Variants in DLGAP2 observed in about 807,000 individuals in gnomAD.
The protein encoded by DLGAP2 is disks large-associated protein 2.
A neutral mutation model predicts 100.3 loss-of-function variants in DLGAP2; 26 were observed. The ratio of observed to expected loss-of-function variants is 0.26; its 90% CI spans 0.19 to 0.36. The LOEUF (loss-of-function observed/expected upper bound fraction) is 0.36. Ranked by LOEUF, DLGAP2 falls within the 10% of genes least tolerant of loss-of-function variation. DLGAP2 has a pLI of 1.00. For synonymous variants in DLGAP2, 886 were observed against 630.1 expected (o/e 1.41, Z -6.08); for missense variants, 1,858 against 1,453.2 (o/e 1.28, Z -4.53).
At chr8:1,252,296 GTGT>G (rs1294661368) in intron 2 of DLGAP2, among the ~76,000 whole-genome samples, 5 of 151,100 alleles carry the variant, frequency 3.3e-5, no homozygotes, top group Non-Finnish European at 7.4e-5. Context: ...TCACAATGTG[GTGT>G]TGTCATGTGG....
intron 2 of DLGAP2, among the ~76,000 whole-genome samples, chr8:1,211,420 C>G (rs892009220): frequency 1.3e-5 from 2 of 152,314 alleles, no homozygotes; most frequent in African/African-American, 2.4e-5. Flanking sequence ...AAGGATTTCG[C>G]TTTTTAACGT....
At chr8:885,980 A>G in intron 1 of DLGAP2, among the ~76,000 whole-genome samples, 1 of 152,196 alleles carries the variant, frequency 6.6e-6, no homozygotes, top group East Asian at 1.9e-4. Context: ...GAATGGTACC[A>G]GTGCCTGTTT....
At chr8:891,693 A>G (rs946623657) in intron 1 of DLGAP2, 1 of 152,322 alleles carries the variant, frequency 6.6e-6, no homozygotes, top group Non-Finnish European at 1.5e-5. Flanking sequence ...AGGACCCTTG[A>G]GAAAGAAGAA....
At chr8:878,654 C>A (rs571956706) in intron 1 of DLGAP2, among the ~76,000 whole-genome samples, 2 of 152,110 alleles carry the variant, frequency 1.3e-5, no homozygotes, top group Non-Finnish European at 2.9e-5. Context: ...GTTTGGTCCA[C>A]GAGGGACCCT....
At chr8:1,580,231 GCA>G (rs1803175430) in intron 6 of DLGAP2, among the ~76,000 whole-genome samples, 1 of 152,186 alleles carries the variant, frequency 6.6e-6, no homozygotes, top group African/African-American at 2.4e-5. Context: ...ATGCGATCAA[GCA>G]GCGGCACAGT....
At chr8:1,098,794 ACGGACGCCGCCACCCACTCCAGGCTCC>A (rs1804484760) in intron 2 of DLGAP2, among the ~76,000 whole-genome samples, 2 of 129,842 alleles carry the variant, frequency 1.5e-5, no homozygotes, top group Non-Finnish European at 3.5e-5. Flanking sequence ...CCGGCCGCCC[ACGGACGCCGCCACCCACTCCAGGCTCC>A]CGGCCGCGCA....
At chr8:1,364,964 C>A (rs1469205584) in intron 3 of DLGAP2, among the ~76,000 whole-genome samples, 1 of 152,180 alleles carries the variant, frequency 6.6e-6, no homozygotes, top group African/African-American at 2.4e-5. Flanking sequence ...GCACAGGGCC[C>A]CACTCCCTCC....
Position 895,490 on chromosome 8 carries a change from C to G in DLGAP2, c.19-12422C>G, listed in dbSNP as rs140712157. ...CCCCCTTCTGAGACCACACGCTTGG[C>G]GCTGATGAGGAGCAGGAAGGGTTTG... is the stretch of plus-strand genomic sequence containing the variant. On this transcript the variant is annotated intron_variant, in intron 1 of 14. Coordinates refer to ENST00000637795, the MANE Select transcript of DLGAP2 (RefSeq NM_001346810.2). Among the ~76,000 whole-genome samples, 298 of 152,216 alleles carry G rather than the reference C, an allele frequency of 2.0e-3. 1 individual carries two copies. The highest frequency in any genetic ancestry group is 7.0e-3 in the African/African-American group (290 of 41,510).
At chr8:1,548,605 G>A (rs753878188) in intron 4 of DLGAP2, 21 bp from the exon 5 acceptor site, 10 of 1,472,478 alleles carry the variant, frequency 6.8e-6, no homozygotes, top group Non-Finnish European at 9.0e-6. Context: ...GGTGTTCAAT[G>A]CCGTTTCTGT....
At chr8:1,593,383 A>G (rs1429980581) in intron 6 of DLGAP2, among the ~76,000 whole-genome samples, 1 of 152,082 alleles carries the variant, frequency 6.6e-6, no homozygotes. Flanking sequence ...TGAACCCAGG[A>G]GGCGGAGCTT....
intron 3 of DLGAP2, among the ~76,000 whole-genome samples, chr8:1,474,333 C>G (rs1247175456): frequency 1.3e-5 from 2 of 152,122 alleles, no homozygotes; most frequent in African/African-American, 4.8e-5. Flanking sequence ...AATTGTGCTG[C>G]TATAAACACG....
At chr8:1,442,678 A>G (rs1444228529) in intron 3 of DLGAP2, among the ~76,000 whole-genome samples, 1 of 147,336 alleles carries the variant, frequency 6.8e-6, no homozygotes, top group South Asian at 2.2e-4. Context: ...TAGACCCGCC[A>G]GGCTGCTGTG....
At chr8:1,181,794 C>T (rs1218138848) in intron 2 of DLGAP2, among the ~76,000 whole-genome samples, 1 of 152,140 alleles carries the variant, frequency 6.6e-6, no homozygotes, top group East Asian at 1.9e-4. Context: ...GATGGAGACC[C>T]CGGGAGGAGG....
chr8:1,513,997 C>G (rs908793654), intron 4 of DLGAP2, among the ~76,000 whole-genome samples: 38 of 152,358 alleles, frequency 2.5e-4, no homozygotes, highest in African/African-American at 9.1e-4. Context: ...CACATCCCCT[C>G]CCCTTCCCGG....
At chr8:827,491 G>A (rs139599716) in intron 1 of DLGAP2, among the ~76,000 whole-genome samples, 101 of 152,284 alleles carry the variant, frequency 6.6e-4, no homozygotes, top group African/African-American at 2.4e-3. Context: ...ATAGTTCAGT[G>A]TAAATAATTA....
At chr8:1,083,343 C>G (rs540601218) in intron 2 of DLGAP2, among the ~76,000 whole-genome samples, 9 of 152,288 alleles carry the variant, frequency 5.9e-5, no homozygotes, top group Non-Finnish European at 7.3e-5. Context: ...AGAGCCCCAG[C>G]CTTTCGGAGA....
chr8:1,527,805 C>T (rs1056566973), intron 4 of DLGAP2, among the ~76,000 whole-genome samples: 1 of 152,100 alleles, frequency 6.6e-6, no homozygotes, highest in Non-Finnish European at 1.5e-5. Flanking sequence ...TTTAGCATCT[C>T]CCAGGACATG....
At chr8:1,051,312 G>T (rs1027350971) in intron 2 of DLGAP2, among the ~76,000 whole-genome samples, 1 of 152,090 alleles carries the variant, frequency 6.6e-6, no homozygotes, top group African/African-American at 2.4e-5. Context: ...CCTGGGAGGG[G>T]CACCGGGCTG....
At chr8:849,599 C>G (rs1797142769) in intron 1 of DLGAP2, among the ~76,000 whole-genome samples, 1 of 152,184 alleles carries the variant, frequency 6.6e-6, no homozygotes, top group Non-Finnish European at 1.5e-5. Context: ...GGTGCAACAT[C>G]CTTCCAGGAC....
Sources: allele counts gnomAD v4.1 joint callset (sites outside exome capture counted in the v4.1 genomes callset), GRCh38; gene constraint gnomAD v4.1.1; transcripts MANE v1.5; gene names NCBI Gene and HGNC (gene_info 2026-07-23, HGNC 2026-07-21).